The following PLGRKT variants were observed in gnomAD, a reference collection of about 807,000 sequenced individuals.
PLGRKT encodes the protein plasminogen receptor (KT).
A neutral mutation model predicts 18.5 loss-of-function variants in PLGRKT; 22 were observed. The ratio of observed to expected loss-of-function variants is 1.19; its 90% CI spans 0.85 to 1.70. The LOEUF (loss-of-function observed/expected upper bound fraction) is 1.70. PLGRKT is among the 40% of genes most tolerant of loss of function. The pLI, the probability that PLGRKT is intolerant of heterozygous loss-of-function variation, is 0.00. For missense variants in PLGRKT, 235 were observed against 174.4 expected (o/e 1.35, Z -1.96); for synonymous variants, 72 against 52.8 (o/e 1.36, Z -1.58).
At chr9:5,436,173 C>T (rs970885135) in intron 2 of PLGRKT, among the ~76,000 whole-genome samples, 2 of 152,214 alleles carry the variant, frequency 1.3e-5, no homozygotes, top group African/African-American at 4.8e-5. Flanking sequence ...CCCTAACAGT[C>T]CCATGCGACT....
chr9:5,360,607 T>G (rs745475907), intron 5 of PLGRKT, among the ~76,000 whole-genome samples: 1 of 152,192 alleles, frequency 6.6e-6, no homozygotes, highest in Non-Finnish European at 1.5e-5. Context: ...AACTTCAGGC[T>G]ACCAATGGGA....
chr9:5,389,063 GAGGACTTAACAT>G (rs1439967372), intron 3 of PLGRKT, among the ~76,000 whole-genome samples: 1 of 151,924 alleles, frequency 6.6e-6, no homozygotes, highest in Non-Finnish European at 1.5e-5. Context: ...GGGTATTAGA[GAGGACTTAACAT>G]AGGACATGGA....
chr9:5,429,689 C>T (rs1818782593), intron 3 of PLGRKT, among the ~76,000 whole-genome samples: 1 of 152,168 alleles, frequency 6.6e-6, no homozygotes, highest in African/African-American at 2.4e-5. Context: ...CTCATTTTAA[C>T]TTGATTACCT....
intron 2 of PLGRKT, among the ~76,000 whole-genome samples, chr9:5,436,084 C>A (rs1041613853): frequency 6.6e-6 from 1 of 152,204 alleles, no homozygotes; most frequent in African/African-American, 2.4e-5. Flanking sequence ...GCCACTGTGC[C>A]ACTCGAGCAC....
At chr9:5,438,370 A>C (rs530442094), upstream of PLGRKT, among the ~76,000 whole-genome samples, 26 of 152,162 alleles carry the variant, frequency 1.7e-4, no homozygotes, top group Non-Finnish European at 2.2e-4. Flanking sequence ...TTTGCTACCA[A>C]ATGGCTTGGA....
chr9:5,360,988 A>C (rs538222241), intron 5 of PLGRKT, 90 bp downstream of exon 5: 22 of 726,484 alleles, frequency 3.0e-5, no homozygotes, highest in Non-Finnish European at 4.8e-5. Context: ...GTCTTGTCAG[A>C]ATCTTTATAA....
intron 3 of PLGRKT, among the ~76,000 whole-genome samples, chr9:5,416,635 T>C (rs1369625205): frequency 2.6e-5 from 4 of 151,964 alleles, no homozygotes; most frequent in Non-Finnish European, 5.9e-5. Context: ...AAATTATAGC[T>C]TGAAGGAGGA....
chr9:5,403,261 T>C (rs1818191312), intron 3 of PLGRKT, among the ~76,000 whole-genome samples: 2 of 150,806 alleles, frequency 1.3e-5, no homozygotes, highest in East Asian at 1.9e-4. Flanking sequence ...TTTGCTCTTG[T>C]TGCCCAAGCT....
At chr9:5,431,213 T>C (rs562267893) in intron 3 of PLGRKT, among the ~76,000 whole-genome samples, 1 of 152,274 alleles carries the variant, frequency 6.6e-6, no homozygotes, top group East Asian at 1.9e-4. Flanking sequence ...ATCTCTCTTA[T>C]ACTGACTCTC....
At chr9:5,414,209 C>G (rs183396353) in intron 3 of PLGRKT, among the ~76,000 whole-genome samples, 1 of 152,194 alleles carries the variant, frequency 6.6e-6, no homozygotes, top group Non-Finnish European at 1.5e-5. Flanking sequence ...CTCTGTCACC[C>G]AGGCTGGAGT....
At chr9:5,424,687 TATATAC>T (rs1235165273) in intron 3 of PLGRKT, among the ~76,000 whole-genome samples, 13 of 69,458 alleles carry the variant, frequency 1.9e-4, no homozygotes, top group African/African-American at 5.5e-4. Context: ...TATATATATA[TATATAC>T]ACACAGGGGG....
intron 3 of PLGRKT, among the ~76,000 whole-genome samples, chr9:5,378,979 G>C (rs953063477): frequency 1.3e-5 from 2 of 151,970 alleles, no homozygotes; most frequent in African/African-American, 4.8e-5. Context: ...ATTCATGAAA[G>C]TTGAAATCAC....
chr9:5,396,432 T>G (rs1818050034), intron 3 of PLGRKT, among the ~76,000 whole-genome samples: 1 of 151,380 alleles, frequency 6.6e-6, no homozygotes, highest in African/African-American at 2.4e-5. Flanking sequence ...ACTACAGGCA[T>G]GTACCACCAC....
intron 3 of PLGRKT, among the ~76,000 whole-genome samples, chr9:5,366,555 C>T (rs182795851): frequency 5.3e-5 from 8 of 152,178 alleles, no homozygotes; most frequent in Admixed American, 4.6e-4. Flanking sequence ...AAAGAGAGCA[C>T]ATAAGACGCT....
chr9:5,358,502 A>G, intron 5 of PLGRKT, 142 bp from the exon 6 acceptor site: 1 of 606,396 alleles, frequency 1.6e-6, no homozygotes, highest in Non-Finnish European at 2.8e-6. Flanking sequence ...TTTCCTCAGG[A>G]GAAGTAATAT....
chr9:5,366,906 A>C (rs1200648036), intron 3 of PLGRKT, among the ~76,000 whole-genome samples: 5 of 152,126 alleles, frequency 3.3e-5, no homozygotes, highest in African/African-American at 1.2e-4. Flanking sequence ...AACTTCAGTA[A>C]AGTTTCAAGA....
intron 3 of PLGRKT, among the ~76,000 whole-genome samples, chr9:5,413,685 T>C (rs1313727542): frequency 1.3e-5 from 2 of 152,210 alleles, no homozygotes; most frequent in African/African-American, 2.4e-5. Context: ...TTTTTATCCA[T>C]TGAGAACCAT....
chr9:5,423,961 ATGTG>A (rs1445715428), intron 3 of PLGRKT, among the ~76,000 whole-genome samples: 7 of 145,668 alleles, frequency 4.8e-5, no homozygotes, highest in African/African-American at 1.5e-4. Context: ...TGTAATATGT[ATGTG>A]TAATACACAA....
intron 3 of PLGRKT, among the ~76,000 whole-genome samples, chr9:5,376,986 T>A (rs1449305490): frequency 6.6e-6 from 1 of 152,206 alleles, no homozygotes; most frequent in African/African-American, 2.4e-5. Flanking sequence ...AATTTATAAT[T>A]TTTATAAAGA....
Sources: allele counts gnomAD v4.1 joint callset (sites outside exome capture counted in the v4.1 genomes callset), GRCh38; gene constraint gnomAD v4.1.1; transcripts MANE v1.5; gene names NCBI Gene and HGNC (gene_info 2026-07-23, HGNC 2026-07-21).